Variants in TMEM232 observed in about 807,000 individuals in gnomAD.
TMEM232 encodes transmembrane protein 232.
In TMEM232, 80 loss-of-function variants were observed where a neutral mutation model predicts 78.8. The ratio of observed to expected loss-of-function variants is 1.01; its 90% CI spans 0.85 to 1.22. TMEM232 has a LOEUF of 1.22. Ranked by LOEUF, TMEM232 falls within the 50% of genes most tolerant of loss-of-function variation. The probability of loss-of-function intolerance (pLI) is 0.00; values close to 1 mark genes in which losing one functional copy is unlikely to be tolerated. For missense variants in TMEM232, 881 were observed against 742.2 expected, an observed-to-expected ratio of 1.19 and a Z score of -2.17; for synonymous variants, 297 against 254.3, an observed-to-expected ratio of 1.17 and a Z score of -1.60.
At chr5:110,644,812 T>A (rs1177677520) in intron 2 of TMEM232, among the ~76,000 whole-genome samples, 2 of 151,536 alleles carry the variant, frequency 1.3e-5, no homozygotes, top group African/African-American at 2.4e-5. Flanking sequence ...AACTAAGAGC[T>A]GTTTTCTTGA....
intron 12 of TMEM232, among the ~76,000 whole-genome samples, chr5:110,510,344 G>A (rs1394051568): frequency 6.6e-6 from 1 of 152,112 alleles, no homozygotes; most frequent in East Asian, 1.9e-4. Context: ...CTTAGTGAAT[G>A]ACACAACTAT....
intron 4 of TMEM232, among the ~76,000 whole-genome samples, chr5:110,389,836 C>A (rs138544182): frequency 1.3e-5 from 2 of 152,126 alleles, no homozygotes; most frequent in African/African-American, 4.8e-5. Flanking sequence ...CAGATTCATT[C>A]GTTTCTTTGC....
At chr5:110,555,344 A>G (rs1339881558) in intron 11 of TMEM232, among the ~76,000 whole-genome samples, 1 of 152,090 alleles carries the variant, frequency 6.6e-6, no homozygotes, top group Non-Finnish European at 1.5e-5. Context: ...CTTGGTATTG[A>G]TATCCATTTT....
At chr5:110,694,029 A>G (rs1008966196) in intron 1 of TMEM232, among the ~76,000 whole-genome samples, 3 of 152,178 alleles carry the variant, frequency 2.0e-5, no homozygotes, top group African/African-American at 7.2e-5. Flanking sequence ...GAAATGAAGG[A>G]AAAAATGTTA....
At chr5:110,390,734 AC>A (rs1273411281) in intron 3 of TMEM232, 1 of 152,218 alleles carries the variant, frequency 6.6e-6, no homozygotes, top group Non-Finnish European at 1.5e-5. Flanking sequence ...TGTTGGCCTC[AC>A]AACTCTGAAT....
chr5:110,532,302 A>G (rs1015513856), intron 11 of TMEM232, among the ~76,000 whole-genome samples: 3 of 151,744 alleles, frequency 2.0e-5, no homozygotes, highest in Non-Finnish European at 4.4e-5. Context: ...TTCTCGGCTT[A>G]GCGGCTGAAG....
At chr5:110,736,194 G>A (rs1210092976) in intron 1 of TMEM232, among the ~76,000 whole-genome samples, 3 of 152,126 alleles carry the variant, frequency 2.0e-5, no homozygotes, top group Admixed American at 6.5e-5. Context: ...AACTCTGGAC[G>A]ATTTCAGCAT....
intron 12 of TMEM232, among the ~76,000 whole-genome samples, chr5:110,474,494 G>A (rs1360314354): frequency 6.6e-6 from 1 of 151,758 alleles, no homozygotes; most frequent in Non-Finnish European, 1.5e-5. Flanking sequence ...CATGATATTG[G>A]GAATGATTCA....
At chr5:110,493,056 AT>A (rs1297691919) in intron 12 of TMEM232, among the ~76,000 whole-genome samples, 1 of 151,904 alleles carries the variant, frequency 6.6e-6, no homozygotes, top group East Asian at 1.9e-4. Flanking sequence ...CCTGTCCTAA[AT>A]TTTTTATAAT....
chr5:110,732,864 A>G (rs967058273), intron 2 of TMEM232, among the ~76,000 whole-genome samples: 3 of 152,238 alleles, frequency 2.0e-5, no homozygotes, highest in African/African-American at 7.2e-5. Context: ...CAAATGTAAA[A>G]TAATAGCAGA....
rs570696209 is a variant in TMEM232, at chr5:110,520,048, T to G, written c.1703+8540A>C. Among the ~76,000 whole-genome samples the G allele has an allele frequency of 6.9e-4, 95 of 136,928 alleles. 1 individual carries two copies. Among genetic ancestry groups the G allele is most frequent in the East Asian group, 8.7e-4 (4 of 4,576 alleles). 89.8% of individuals were successfully genotyped at this position (136,928 alleles called of 152,430 possible). A position where few individuals can be genotyped will look rare whatever the true frequency, so the allele number is the denominator to read the frequency against. On this transcript the variant is annotated intron_variant, in intron 12 of 13. Transcript: ENST00000455884. ...TTTTATATATTTATGTATATATATA[T>G]ATAGAGAGAGAGAGAGAGAGGATTA...
At chr5:110,484,068 C>T (rs958830869) in intron 12 of TMEM232, among the ~76,000 whole-genome samples, 1 of 152,142 alleles carries the variant, frequency 6.6e-6, no homozygotes, top group Non-Finnish European at 1.5e-5. Context: ...AACAGAAAAC[C>T]AAGTACCACA....
intron 12 of TMEM232, among the ~76,000 whole-genome samples, chr5:110,505,491 C>G (rs1766769808): frequency 6.6e-6 from 1 of 152,098 alleles, no homozygotes. Context: ...CCGAAATACA[C>G]ATTGTTTTTC....
chr5:110,524,541 G>A (rs530372483), intron 12 of TMEM232, among the ~76,000 whole-genome samples: 2 of 152,264 alleles, frequency 1.3e-5, no homozygotes, highest in South Asian at 4.1e-4. Context: ...TTTTGAATTT[G>A]TTAAGACTTG....
chr5:110,700,786 G>GGTAGATAGA (rs375091068), intron 1 of TMEM232, among the ~76,000 whole-genome samples: 1 of 142,496 alleles, frequency 7.0e-6, no homozygotes, highest in African/African-American at 2.6e-5. Context: ...AGATAGATAG[G>GGTAGATAGA]TAGATAGATA....
At chr5:110,443,089 C>T (rs530643872) in intron 12 of TMEM232, among the ~76,000 whole-genome samples, 1 of 152,256 alleles carries the variant, frequency 6.6e-6, no homozygotes, top group East Asian at 1.9e-4. Flanking sequence ...GCCTGGCTAC[C>T]ACCTATGTTC....
chr5:110,565,106 A>G (rs1354832788), intron 11 of TMEM232, among the ~76,000 whole-genome samples: 1 of 151,980 alleles, frequency 6.6e-6, no homozygotes, highest in Non-Finnish European at 1.5e-5. Flanking sequence ...GAAATTCATC[A>G]ACATTTGCTG....
chr5:110,558,626 T>G (rs1194923201), intron 11 of TMEM232, among the ~76,000 whole-genome samples: 1 of 152,052 alleles, frequency 6.6e-6, no homozygotes, highest in Admixed American at 6.6e-5. Flanking sequence ...ACAGGTAAGA[T>G]AGCCCTGTTC....
chr5:110,588,929 T>G (rs1359462816), intron 10 of TMEM232, among the ~76,000 whole-genome samples: 1 of 152,102 alleles, frequency 6.6e-6, no homozygotes, highest in Non-Finnish European at 1.5e-5. Context: ...ACACACTAAC[T>G]CAGTGTCTGT....
Sources: allele counts gnomAD v4.1 joint callset (sites outside exome capture counted in the v4.1 genomes callset), GRCh38; gene constraint gnomAD v4.1.1; transcripts MANE v1.5; gene names NCBI Gene and HGNC (gene_info 2026-07-23, HGNC 2026-07-21).